Variants in DGKB observed in about 807,000 individuals in gnomAD.
DGKB encodes diacylglycerol kinase beta, also known as 90 kDa diacylglycerol kinase.
DGKB carries 67 observed loss-of-function variants against 114.3 expected under a neutral mutation model. That is an observed-to-expected ratio of 0.59 (90% CI 0.48 to 0.72). The LOEUF (loss-of-function observed/expected upper bound fraction) is 0.72, where lower values mean the gene tolerates loss of function less well. Ranked by LOEUF, DGKB falls within the 30% of genes least tolerant of loss-of-function variation. The probability of loss-of-function intolerance (pLI) is 0.00; values close to 1 mark genes in which losing one functional copy is unlikely to be tolerated. For synonymous variants in DGKB, 398 were observed against 323.1 expected, an observed-to-expected ratio of 1.23 and a Z score of -2.49; for missense variants, 907 against 975.2, an observed-to-expected ratio of 0.93 and a Z score of 0.93.
chr7:14,656,448 T>C (rs1815806699), intron 13 of DGKB, among the ~76,000 whole-genome samples: 1 of 151,498 alleles, frequency 6.6e-6, no homozygotes, highest in Admixed American at 6.6e-5. Context: ...TAAATTAATA[T>C]AGGAATGATG....
intron 17 of DGKB, among the ~76,000 whole-genome samples, chr7:14,591,605 A>G (rs777990943): frequency 4.4e-4 from 67 of 152,132 alleles, no homozygotes; most frequent in Non-Finnish European, 1.6e-4. Context: ...CAGTTATGCA[A>G]GATGAATAAA....
chr7:14,343,157 C>CACACA (rs1811888740), intron 22 of DGKB, among the ~76,000 whole-genome samples: 6 of 132,850 alleles, frequency 4.5e-5, no homozygotes, highest in African/African-American at 1.5e-4. Context: ...GCCTAGCTAT[C>CACACA]CACACACACA....
At chr7:14,718,457 A>G (rs1172589192) in intron 6 of DGKB, 85 bp downstream of exon 6, 10 of 1,271,302 alleles carry the variant, frequency 7.9e-6, no homozygotes, top group Non-Finnish European at 1.1e-5. Flanking sequence ...ATACAACTAT[A>G]CTAATGCAAT....
chr7:14,514,277 ACTG>A (rs1396968630), intron 20 of DGKB, among the ~76,000 whole-genome samples: 1 of 152,132 alleles, frequency 6.6e-6, no homozygotes, highest in Non-Finnish European at 1.5e-5. Context: ...AGTTGAATAG[ACTG>A]CTGTCTTCAA....
At chr7:14,660,241 G>A (rs1316439591) in intron 13 of DGKB, among the ~76,000 whole-genome samples, 1 of 151,902 alleles carries the variant, frequency 6.6e-6, no homozygotes, top group Non-Finnish European at 1.5e-5. Flanking sequence ...GATGATGCTG[G>A]CCTCATCAAA....
intron 23 of DGKB, among the ~76,000 whole-genome samples, chr7:14,243,863 T>C (rs1197358859): frequency 6.6e-6 from 1 of 152,164 alleles, no homozygotes; most frequent in Non-Finnish European, 1.5e-5. Context: ...GAAACTAAAT[T>C]GGGATCCATG....
chr7:14,786,739 C>T (rs1187715248), intron 2 of DGKB, among the ~76,000 whole-genome samples: 2 of 151,706 alleles, frequency 1.3e-5, no homozygotes, highest in Non-Finnish European at 2.9e-5. Context: ...GACACTGACA[C>T]ATCAGCCCCC....
rs182899930 is a variant in DGKB at position 14,943,702 on chromosome 7, G to A, written c.-188+30994C>T. ...TAGCTACTCAGAAGAGACAAGAGCC[G>A]ATCATTAAATTTTCAAGAATTTTGT... is the stretch of plus-strand genomic sequence containing the variant. On this transcript the variant is annotated intron_variant, in intron 1 of 4. Coordinates refer to the DGKB transcript ENST00000437998. 2.2e-4 allele frequency among the ~76,000 whole-genome samples: 34 copies of A among 151,600 alleles called. No homozygotes were observed. The East Asian group carries it at 5.8e-3, about 26-fold the overall frequency.
intron 20 of DGKB, among the ~76,000 whole-genome samples, chr7:14,544,185 T>C (rs6975021): frequency 0.4 from 60,655 of 152,010 alleles, 12,977 homozygotes; most frequent in East Asian, 0.5. Flanking sequence ...AAAGCTGTTG[T>C]CATTGTTCTG....
chr7:14,602,894 G>A (rs569503131), intron 17 of DGKB, among the ~76,000 whole-genome samples: 1 of 152,118 alleles, frequency 6.6e-6, no homozygotes, highest in Admixed American at 6.6e-5. Flanking sequence ...ATTTTGATAG[G>A]CAATAATCTT....
chr7:14,676,578 A>G (rs1247067543), intron 12 of DGKB, among the ~76,000 whole-genome samples: 1 of 152,110 alleles, frequency 6.6e-6, no homozygotes, highest in Admixed American at 6.6e-5. Context: ...AAAATTAAAA[A>G]TAAAAAAATT....
At chr7:14,761,528 A>T (rs1835693226) in intron 2 of DGKB, among the ~76,000 whole-genome samples, 1 of 152,174 alleles carries the variant, frequency 6.6e-6, no homozygotes, top group African/African-American at 2.4e-5. Context: ...ATTCTGTCCA[A>T]AACTACACTG....
At chr7:14,463,565 A>G (rs889227560) in intron 21 of DGKB, among the ~76,000 whole-genome samples, 4 of 152,152 alleles carry the variant, frequency 2.6e-5, no homozygotes, top group Non-Finnish European at 5.9e-5. Context: ...GTTTGCATGT[A>G]TCTTTTCCCC....
At chr7:14,218,483 G>T (rs974278595) in intron 23 of DGKB, among the ~76,000 whole-genome samples, 2 of 152,062 alleles carry the variant, frequency 1.3e-5, no homozygotes, top group Non-Finnish European at 2.9e-5. Flanking sequence ...AGGTGAATTT[G>T]TTGGTGGTCT....
At chr7:14,512,940 C>A (rs1218053589) in intron 20 of DGKB, among the ~76,000 whole-genome samples, 3 of 151,994 alleles carry the variant, frequency 2.0e-5, no homozygotes, top group Admixed American at 6.6e-5. Flanking sequence ...ATCATGTGGT[C>A]ATTTATTCAT....
chr7:14,839,470 T>C (rs1847618586), intron 2 of DGKB, among the ~76,000 whole-genome samples: 2 of 148,232 alleles, frequency 1.3e-5, no homozygotes, highest in South Asian at 2.1e-4. Context: ...AGTGGCACAA[T>C]GGCTCACTGC....
At chr7:14,303,341 G>C (rs753476045) in intron 23 of DGKB, among the ~76,000 whole-genome samples, 1 of 152,040 alleles carries the variant, frequency 6.6e-6, no homozygotes, top group Admixed American at 6.6e-5. Context: ...ATTTCCCGCC[G>C]TAGTTAGTTT....
intron 1 of DGKB, among the ~76,000 whole-genome samples, chr7:14,942,824 A>C (rs1412048293): frequency 6.6e-6 from 1 of 151,978 alleles, no homozygotes; most frequent in Non-Finnish European, 1.5e-5. Context: ...CCTTACCTAA[A>C]ATACCTTTTG....
At chr7:14,239,402 A>G (rs1793311875) in intron 23 of DGKB, among the ~76,000 whole-genome samples, 1 of 152,028 alleles carries the variant, frequency 6.6e-6, no homozygotes, top group South Asian at 2.1e-4. Context: ...TTTCCAAAAC[A>G]GCTCGCTACT....
Sources: gnomAD v4.1 joint callset for allele counts (sites outside exome capture counted in the v4.1 genomes callset) on GRCh38, gnomAD v4.1.1 for gene constraint, MANE v1.5 for transcripts, NCBI Gene and HGNC (gene_info 2026-07-23, HGNC 2026-07-21) for gene names.